MOSMO: variants seen among roughly 807,000 people sequenced by gnomAD.
MOSMO encodes the protein modulator of smoothened, also known as modulator of smoothened protein.
MOSMO carries 5 observed loss-of-function variants against 18.4 expected under a neutral mutation model. That is an observed-to-expected ratio of 0.27 (90% confidence interval 0.14 to 0.57). MOSMO has a LOEUF of 0.57. MOSMO is among the 20% of genes least tolerant of loss of function. The probability of loss-of-function intolerance (pLI) is 0.92; values close to 1 mark genes in which losing one functional copy is unlikely to be tolerated. For missense variants in MOSMO, 138 were observed against 211.8 expected (o/e 0.65, Z 2.16); for synonymous variants, 82 against 82.3 (o/e 1.00, Z 0.02).
intron 1 of MOSMO, among the ~76,000 whole-genome samples, chr16:22,040,162 GA>G (rs1399226275): frequency 1.3e-5 from 2 of 152,112 alleles, no homozygotes; most frequent in African/African-American, 4.8e-5. Flanking sequence ...GAACAAATAA[GA>G]AAAATTGAAA....
chr16:22,068,898 A>G (rs1056538535), intron 1 of MOSMO, among the ~76,000 whole-genome samples: 10 of 152,210 alleles, frequency 6.6e-5, no homozygotes, highest in South Asian at 2.1e-4. Flanking sequence ...GGACAATTCA[A>G]TTCTGACACT....
chr16:22,026,505 C>T (rs555760011), intron 1 of MOSMO, among the ~76,000 whole-genome samples: 243 of 152,188 alleles, frequency 1.6e-3, no homozygotes, highest in African/African-American at 5.6e-3. Context: ...AGGCATGAGC[C>T]ACCGCGCCCA....
At chr16:22,022,176 C>T (rs1385828436) in intron 1 of MOSMO, among the ~76,000 whole-genome samples, 1 of 151,438 alleles carries the variant, frequency 6.6e-6, no homozygotes, top group East Asian at 1.9e-4. Flanking sequence ...CTTGGCTGCC[C>T]GTATCACTTT....
chr16:22,066,613 A>G (rs144511134), intron 1 of MOSMO, among the ~76,000 whole-genome samples: 141 of 152,338 alleles, frequency 9.3e-4, no homozygotes, highest in African/African-American at 3.3e-3. Context: ...GCAAAGGCTG[A>G]GAGTCTTATT....
At chr16:22,040,827 A>T (rs1417630930) in intron 1 of MOSMO, among the ~76,000 whole-genome samples, 2 of 152,146 alleles carry the variant, frequency 1.3e-5, no homozygotes, top group African/African-American at 4.8e-5. Flanking sequence ...AAGTAAAGAC[A>T]CAAAGACACG....
At chr16:22,013,033 T>C (rs1450704815) in intron 1 of MOSMO, among the ~76,000 whole-genome samples, 1 of 152,138 alleles carries the variant, frequency 6.6e-6, no homozygotes. Flanking sequence ...ATATTAAATG[T>C]AGATGAATAC....
chr16:22,078,875 A>T (rs996259823), intron 2 of MOSMO, among the ~76,000 whole-genome samples: 4 of 152,214 alleles, frequency 2.6e-5, no homozygotes, highest in South Asian at 2.1e-4. Flanking sequence ...AAAAGCTAAA[A>T]GCTATAAAAC....
intron 1 of MOSMO, among the ~76,000 whole-genome samples, chr16:22,011,049 A>C (rs1899516767): frequency 6.6e-6 from 1 of 152,104 alleles, no homozygotes; most frequent in South Asian, 2.1e-4. Context: ...TGGAGATAGG[A>C]GCAATGGATG....
chr16:22,080,208 A>T (rs1237086014), intron 2 of MOSMO, among the ~76,000 whole-genome samples: 2 of 152,182 alleles, frequency 1.3e-5, no homozygotes, highest in African/African-American at 4.8e-5. Context: ...TATTGTGATA[A>T]TGGTATGCAG....
intron 1 of MOSMO, among the ~76,000 whole-genome samples, chr16:22,064,919 T>A (rs953748213): frequency 4.6e-5 from 7 of 152,224 alleles, no homozygotes; most frequent in African/African-American, 1.7e-4. Context: ...TATGGATAGT[T>A]TAAACATTGT....
chr16:22,046,994 T>C (rs1025560306), intron 1 of MOSMO, among the ~76,000 whole-genome samples: 1 of 152,138 alleles, frequency 6.6e-6, no homozygotes, highest in Admixed American at 6.5e-5. Context: ...AGTTAAAATA[T>C]AGGACTCGCT....
At chr16:22,089,563 G>C (rs1001125811), downstream of MOSMO, among the ~76,000 whole-genome samples, 1 of 152,160 alleles carries the variant, frequency 6.6e-6, no homozygotes, top group African/African-American at 2.4e-5. Flanking sequence ...GGTTATTGGA[G>C]TACTCTAAGT....
At chr16:22,068,758 T>A (rs983397727) in intron 1 of MOSMO, among the ~76,000 whole-genome samples, 25 of 152,244 alleles carry the variant, frequency 1.6e-4, no homozygotes, top group Admixed American at 1.4e-3. Flanking sequence ...TGTTTTTTAT[T>A]CATCAGTTGA....
intron 1 of MOSMO, among the ~76,000 whole-genome samples, chr16:22,072,400 A>G (rs1900872163): frequency 6.6e-6 from 1 of 152,156 alleles, no homozygotes; most frequent in South Asian, 2.1e-4. Context: ...TTGACTGACC[A>G]CTGTTTGCAT....
At chr16:22,023,095 C>T (rs1899797583) in intron 1 of MOSMO, among the ~76,000 whole-genome samples, 1 of 152,046 alleles carries the variant, frequency 6.6e-6, no homozygotes, top group South Asian at 2.1e-4. Flanking sequence ...ATTCTGTAGA[C>T]AAAATACTTT....
chr16:22,084,287 G>GTTTTA lies in MOSMO; in HGVS notation c.*3409_*3413dup, dbSNP rs1901132872. On this transcript the variant is annotated 3_prime_UTR_variant, in exon 3 of 3. Transcript: ENST00000542527. ...ACAAGTTACTCTGATTATAGTAACT[G>GTTTTA]TTTTATCAACCCACTTCATCTTTAA... The GTTTTA allele has an allele frequency of 6.6e-6, 1 of 152,132 alleles. No homozygotes were observed. Among genetic ancestry groups the GTTTTA allele is most frequent in the Admixed American group, 6.6e-5 (1 of 15,266 alleles). 9.4% of individuals were successfully genotyped at this position (152,132 alleles called of 1,614,324 possible). A position where few individuals can be genotyped will look rare whatever the true frequency, so the allele number is the denominator to read the frequency against.
intron 1 of MOSMO, among the ~76,000 whole-genome samples, chr16:22,035,238 T>G (rs1900084489): frequency 6.6e-6 from 1 of 152,090 alleles, no homozygotes; most frequent in South Asian, 2.1e-4. Flanking sequence ...CTTGCCCCAC[T>G]TAGGTGAGAC....
chr16:22,015,252 C>T (rs573841451), intron 1 of MOSMO, among the ~76,000 whole-genome samples: 1 of 150,044 alleles, frequency 6.7e-6, no homozygotes, highest in East Asian at 1.9e-4. Context: ...CATGTTATGA[C>T]TTTTTTTTTT....
At chr16:22,049,349 G>A (rs966850505) in intron 1 of MOSMO, among the ~76,000 whole-genome samples, 4 of 152,034 alleles carry the variant, frequency 2.6e-5, no homozygotes, top group African/African-American at 9.7e-5. Context: ...CTTACATGGT[G>A]GTATGCGCCA....
Sources: allele counts gnomAD v4.1 joint callset (sites outside exome capture counted in the v4.1 genomes callset), GRCh38; gene constraint gnomAD v4.1.1; transcripts MANE v1.5; gene names NCBI Gene and HGNC (gene_info 2026-07-23, HGNC 2026-07-21).